Variants in FAM228B observed in about 807,000 individuals in gnomAD.
The protein encoded by FAM228B is protein FAM228B.
Under a neutral mutation model 42.6 loss-of-function variants are expected in FAM228B, and 38 were observed. The ratio of observed to expected loss-of-function variants is 0.89; its 90% CI spans 0.69 to 1.17. The LOEUF (loss-of-function observed/expected upper bound fraction) is 1.17. FAM228B is among the 50% of genes most tolerant of loss of function. FAM228B has a pLI of 0.00. For missense variants in FAM228B, 344 were observed against 367.3 expected, an observed-to-expected ratio of 0.94 and a Z score of 0.52; for synonymous variants, 109 against 122.3, an observed-to-expected ratio of 0.89 and a Z score of 0.72.
intron 2 of FAM228B, among the ~76,000 whole-genome samples, chr2:24,131,462 A>T (rs182732624): frequency 6.6e-5 from 10 of 152,334 alleles, no homozygotes; most frequent in Middle Eastern, 3.4e-3. Context: ...ATCCATGAGC[A>T]TGGAATGTTT....
intron 3 of FAM228B, among the ~76,000 whole-genome samples, chr2:24,103,904 G>A (rs1043109291): frequency 6.6e-6 from 1 of 152,224 alleles, no homozygotes; most frequent in Non-Finnish European, 1.5e-5. Context: ...TATGTGGAAT[G>A]TCAAATGGTA....
intron 7 of FAM228B, among the ~76,000 whole-genome samples, chr2:24,154,365 T>C (rs1419291778): frequency 1.3e-5 from 2 of 152,262 alleles, no homozygotes; most frequent in African/African-American, 4.8e-5. Flanking sequence ...CTGTCTTCTT[T>C]GGTGAGGTGT....
rs182727222 is a variant in FAM228B, at chr2:24,151,587, C to T, written c.686+4501C>T. Among the ~76,000 whole-genome samples the T allele has an allele frequency of 5.3e-5, 8 of 149,962 alleles. No homozygotes were observed. In the East Asian group the frequency reaches 7.9e-4, roughly 15 times the overall value. ...GAATACAGGCATGAGCCACTGCACC[C>T]GGCCTCATTATGAGATTTTTTGGTG... On this transcript the variant is annotated intron_variant, in intron 7 of 10. Coordinates refer to ENST00000615575, the MANE Select transcript of FAM228B (RefSeq NM_001145710.2).
intron 9 of FAM228B, among the ~76,000 whole-genome samples, chr2:24,164,730 A>C (rs1667363142): frequency 6.6e-6 from 1 of 152,182 alleles, no homozygotes; most frequent in Non-Finnish European, 1.5e-5. Flanking sequence ...CATTTTGTTA[A>C]CCTTAAGGCA....
chr2:24,089,168 A>C (rs1446673414), intron 2 of FAM228B, among the ~76,000 whole-genome samples: 1 of 152,074 alleles, frequency 6.6e-6, no homozygotes, highest in Admixed American at 6.6e-5. Context: ...GGCCAGCATG[A>C]TGAAACCCCA....
At chr2:24,101,545 G>T (rs189534488) in intron 3 of FAM228B, among the ~76,000 whole-genome samples, 1 of 152,102 alleles carries the variant, frequency 6.6e-6, no homozygotes, top group African/African-American at 2.4e-5. Context: ...AACATAAAAC[G>T]TAATTGGAAA....
chr2:24,084,487 C>T lies in FAM228B; in HGVS notation c.-210+3532C>T. 1 of 968,094 alleles carries T rather than the reference C, an allele frequency of 1.0e-6. No homozygotes were observed. The highest frequency in any genetic ancestry group is 2.0e-5 in the South Asian group (1 of 49,150). The allele number at this position is 968,094 out of a possible 1,614,324, so 60.0% of individuals were successfully genotyped here. ...CCGCAGCGCCCCCTGCCGGCCAGCGCCTCGCTGCCCTGGTCTGCCGCGGAC... is the reference window on the plus strand; with the variant it reads ...CCGCAGCGCCCCCTGCCGGCCAGCGTCTCGCTGCCCTGGTCTGCCGCGGAC... On this transcript the variant is annotated intron_variant, in intron 2 of 10. Coordinates refer to the FAM228B transcript ENST00000613899. The surrounding 1 kb of genome is among the most constrained non-coding windows in gnomAD (Gnocchi z 8.4).
chr2:24,140,272 G>C (rs1339883084), intron 5 of FAM228B, among the ~76,000 whole-genome samples: 1 of 152,142 alleles, frequency 6.6e-6, no homozygotes, highest in Non-Finnish European at 1.5e-5. Flanking sequence ...TGCCTCCCGG[G>C]TTCAAGAGAT....
At chr2:24,117,482 G>A (rs1442604275) in intron 3 of FAM228B, among the ~76,000 whole-genome samples, 4 of 145,754 alleles carry the variant, frequency 2.7e-5, no homozygotes, top group Non-Finnish European at 4.5e-5. Flanking sequence ...TCGCTGTGAC[G>A]CCCAGGCTGG....
At chr2:24,119,083 C>T (rs968493098), upstream of FAM228B, among the ~76,000 whole-genome samples, 6 of 152,146 alleles carry the variant, frequency 3.9e-5, no homozygotes, top group South Asian at 1.2e-3. Context: ...AAGTGGCTGC[C>T]TGACTCACAG....
At chr2:24,133,229 G>A (rs1442849121) in intron 2 of FAM228B, among the ~76,000 whole-genome samples, 1 of 151,660 alleles carries the variant, frequency 6.6e-6, no homozygotes, top group Non-Finnish European at 1.5e-5. Flanking sequence ...CCTGCTTTTT[G>A]ATCACTCTCC....
chr2:24,144,661 A>G (rs1666850803), intron 5 of FAM228B, among the ~76,000 whole-genome samples: 1 of 152,190 alleles, frequency 6.6e-6, no homozygotes, highest in Non-Finnish European at 1.5e-5. Flanking sequence ...AGGTGTGAGC[A>G]GCTGGCAGCA....
chr2:24,127,697 C>CT (rs1451037692), intron 2 of FAM228B, among the ~76,000 whole-genome samples: 1 of 151,516 alleles, frequency 6.6e-6, no homozygotes, highest in Non-Finnish European at 1.5e-5. Context: ...GAGTCTCACT[C>CT]TATCACCCGG....
chr2:24,121,315 T>C (rs1487791608), upstream of FAM228B: 6 of 1,613,416 alleles, frequency 3.7e-6, no homozygotes, highest in Middle Eastern at 1.7e-4. Flanking sequence ...AGAGGTTACA[T>C]GGTTAGAGCA....
At chr2:24,167,061 G>A (rs971022040) in intron 9 of FAM228B, among the ~76,000 whole-genome samples, 2 of 152,208 alleles carry the variant, frequency 1.3e-5, no homozygotes, top group East Asian at 1.9e-4. Context: ...GAAGCTGTGC[G>A]GAGGTCTGGA....
intron 3 of FAM228B, among the ~76,000 whole-genome samples, chr2:24,137,315 GTC>G (rs1666613321): frequency 6.6e-6 from 1 of 152,074 alleles, no homozygotes; most frequent in Non-Finnish European, 1.5e-5. Flanking sequence ...GAATTGTTGG[GTC>G]TTATGGTAGG....
intron 7 of FAM228B, among the ~76,000 whole-genome samples, chr2:24,149,733 T>C (rs1666982554): frequency 6.6e-6 from 1 of 152,170 alleles, no homozygotes; most frequent in Non-Finnish European, 1.5e-5. Flanking sequence ...GCGCCCGGCT[T>C]GTTGGTTGAT....
intron 8 of FAM228B, among the ~76,000 whole-genome samples, chr2:24,163,518 T>A (rs1276902636): frequency 2.0e-5 from 3 of 152,142 alleles, no homozygotes; most frequent in Non-Finnish European, 4.4e-5. Flanking sequence ...AAAGACAAAA[T>A]GATTGATTGA....
chr2:24,139,689 A>G (rs1026279330), intron 5 of FAM228B, among the ~76,000 whole-genome samples: 56 of 152,344 alleles, frequency 3.7e-4, no homozygotes, highest in African/African-American at 1.3e-3. Context: ...AAAATTCCAT[A>G]GACTTTTAAA....
Sources: allele counts gnomAD v4.1 joint callset (sites outside exome capture counted in the v4.1 genomes callset), GRCh38; gene constraint gnomAD v4.1.1; non-coding constraint Gnocchi (gnomAD v3.1); transcripts MANE v1.5; gene names NCBI Gene and HGNC (gene_info 2026-07-23, HGNC 2026-07-21).